Variants in PRKCE observed in about 807,000 individuals in gnomAD.
PRKCE encodes protein kinase C epsilon type.
In PRKCE, 16 loss-of-function variants were observed where a neutral mutation model predicts 85.4. The ratio of observed to expected loss-of-function variants is 0.19; its 90% CI spans 0.13 to 0.28. The LOEUF is 0.28. PRKCE is among the 10% of genes least tolerant of loss of function. The probability of loss-of-function intolerance (pLI) is 1.00; values close to 1 mark genes in which losing one functional copy is unlikely to be tolerated. For synonymous variants in PRKCE, 388 were observed against 371.5 expected, an observed-to-expected ratio of 1.04 and a Z score of -0.51; for missense variants, 573 against 975.2, an observed-to-expected ratio of 0.59 and a Z score of 5.49.
At chr2:46,180,664 T>G (rs10185411) in intron 14 of PRKCE, among the ~76,000 whole-genome samples, 6,925 of 152,286 alleles carry the variant, frequency 0.045, 510 homozygotes, top group African/African-American at 0.16. Flanking sequence ...GAAGGCATGA[T>G]GGGAGCTATC....
chr2:45,924,061 C>A (rs901736579), intron 2 of PRKCE, among the ~76,000 whole-genome samples: 1 of 152,086 alleles, frequency 6.6e-6, no homozygotes, highest in African/African-American at 2.4e-5. Context: ...AAAGAGCACT[C>A]CCTCCACAGG....
At chr2:46,157,893 G>A (rs1219181528) in intron 13 of PRKCE, among the ~76,000 whole-genome samples, 4 of 152,248 alleles carry the variant, frequency 2.6e-5, no homozygotes, top group South Asian at 2.1e-4. Context: ...CTGTGTCTCC[G>A]AGGGCTACTG....
At chr2:45,798,953 G>A (rs1687645524) in intron 1 of PRKCE, among the ~76,000 whole-genome samples, 1 of 151,996 alleles carries the variant, frequency 6.6e-6, no homozygotes, top group Non-Finnish European at 1.5e-5. Context: ...AGATCACAAG[G>A]TCAGGAGATC....
At chr2:45,926,905 A>G (rs1365206889) in intron 2 of PRKCE, among the ~76,000 whole-genome samples, 1 of 151,654 alleles carries the variant, frequency 6.6e-6, no homozygotes. Flanking sequence ...GTGTATATGA[A>G]CATGTGTGAG....
intron 2 of PRKCE, among the ~76,000 whole-genome samples, chr2:45,890,563 A>C (rs541822916): frequency 6.6e-6 from 1 of 152,060 alleles, no homozygotes; most frequent in East Asian, 1.9e-4. Context: ...TATTTTTAGT[A>C]GAGATGGGAT....
intron 10 of PRKCE, among the ~76,000 whole-genome samples, chr2:46,054,593 CAG>C (rs1356400604): frequency 1.3e-5 from 2 of 152,230 alleles, no homozygotes; most frequent in Non-Finnish European, 2.9e-5. Context: ...ACCATACACA[CAG>C]AATCTCAGGG....
At chr2:46,021,798 A>G (rs1191839459) in intron 10 of PRKCE, among the ~76,000 whole-genome samples, 6 of 151,910 alleles carry the variant, frequency 3.9e-5, no homozygotes, top group Admixed American at 2.0e-4. Context: ...CCTCTCCCCA[A>G]CGCCCGCCAT....
At chr2:45,800,546 G>A (rs1311362742) in intron 1 of PRKCE, among the ~76,000 whole-genome samples, 1 of 152,240 alleles carries the variant, frequency 6.6e-6, no homozygotes, top group Non-Finnish European at 1.5e-5. Context: ...CTAGACTGGG[G>A]TTTGAGGGCA....
intron 1 of PRKCE, among the ~76,000 whole-genome samples, chr2:45,760,816 C>T (rs1399979004): frequency 6.6e-6 from 1 of 152,154 alleles, no homozygotes; most frequent in East Asian, 1.9e-4. Context: ...TATAATTACC[C>T]TGTCTGGGTA....
rs959320408 is a variant in PRKCE at position 46,155,628 on chromosome 2, C to A, written c.1921-3978C>A. 3.3e-5 allele frequency among the ~76,000 whole-genome samples: 5 copies of A among 152,144 alleles called. No individual in the cohort carries two copies. The highest frequency in any genetic ancestry group is 2.6e-4 in the Admixed American group (4 of 15,284). Reference sequence around the variant, plus strand: ...ATACTCCCAAACAGCTCTGGATGGTCCCCCTCAAATCTGCTCACTCTCAAA... The same window carrying A: ...ATACTCCCAAACAGCTCTGGATGGTACCCCTCAAATCTGCTCACTCTCAAA... On this transcript the variant is annotated intron_variant, in intron 13 of 14. Transcript: ENST00000306156. This position sits in a 1 kb window ranked among gnomAD's most constrained non-coding sequence, Gnocchi z 4.7.
chr2:45,674,570 C>G (rs1191027543), intron 1 of PRKCE: 1 of 152,204 alleles, frequency 6.6e-6, no homozygotes, highest in Non-Finnish European at 1.5e-5. Flanking sequence ...TAGATTACCT[C>G]ACTTTGGAAA....
rs933968183 is a variant in PRKCE, at chr2:45,774,106, A to G, written c.349-68894A>G. Among the ~76,000 whole-genome samples the G allele has an allele frequency of 6.6e-6, 1 of 151,622 alleles. No homozygotes were observed. The highest frequency in any genetic ancestry group is 1.5e-5 in the Non-Finnish European group (1 of 67,888). ...GGGGGACCCACCCTTTGTTGGTAGG[A>G]CCTCCCTTGGAGAGATGGGGGCTGG... On this transcript the variant is annotated intron_variant, in intron 1 of 14. Coordinates refer to ENST00000306156, the MANE Select transcript of PRKCE (RefSeq NM_005400.3). The surrounding 1 kb of genome is among the most constrained non-coding windows in gnomAD (Gnocchi z 4.3).
At chr2:45,720,259 A>G (rs1573058083) in intron 1 of PRKCE, among the ~76,000 whole-genome samples, 1 of 152,218 alleles carries the variant, frequency 6.6e-6, no homozygotes, top group East Asian at 1.9e-4. Context: ...CATAAAGTGG[A>G]GGAGTTGAGA....
rs117632787 is a variant in PRKCE at position 46,059,726 on chromosome 2, C to A, written c.1438-26482C>A. On this transcript the variant is annotated intron_variant, in intron 10 of 14. Transcript: ENST00000306156. Reference sequence around the variant, plus strand: ...GCAGGCTGAGGGGGATCACCTGAGCCCAGGAGCTCAAGGCTGTAATGAGCT... The same window carrying A: ...GCAGGCTGAGGGGGATCACCTGAGCACAGGAGCTCAAGGCTGTAATGAGCT... Among the ~76,000 whole-genome samples, 5 of 152,194 alleles carry A rather than the reference C, an allele frequency of 3.3e-5. No homozygotes were observed. The East Asian group carries it at 7.7e-4, about 23-fold the overall frequency.
chr2:45,726,359 A>G lies in PRKCE; in HGVS notation c.348+73911A>G, dbSNP rs950164638. On this transcript the variant is annotated intron_variant, in intron 1 of 14. Coordinates refer to ENST00000306156, the MANE Select transcript of PRKCE (RefSeq NM_005400.3). ...CTTATTTTAAGAAATTGGCATAGCA[A>G]TTTCTTGCTGTGGGGTTGCCACAGC... 2.6e-5 allele frequency among the ~76,000 whole-genome samples: 4 copies of G among 152,284 alleles called. No individual in the cohort carries two copies. In the East Asian group the frequency reaches 7.7e-4, roughly 29 times the overall value.
intron 14 of PRKCE, among the ~76,000 whole-genome samples, chr2:46,168,773 A>G (rs1369101595): frequency 6.6e-6 from 1 of 152,198 alleles, no homozygotes; most frequent in Non-Finnish European, 1.5e-5. Context: ...TTGAGGACAG[A>G]GAGAAGAGGG....
chr2:45,939,567 T>G (rs934854045), intron 2 of PRKCE, among the ~76,000 whole-genome samples: 1 of 152,036 alleles, frequency 6.6e-6, no homozygotes, highest in African/African-American at 2.4e-5. Flanking sequence ...TGCACTTTTT[T>G]TTTTTTGAGA....
intron 2 of PRKCE, among the ~76,000 whole-genome samples, chr2:45,934,353 A>T (rs577096657): frequency 2.0e-5 from 3 of 152,354 alleles, no homozygotes; most frequent in Admixed American, 2.0e-4. Context: ...TAAATTTCCT[A>T]TAAAATTACT....
At chr2:45,983,225 T>C (rs562316304) in intron 5 of PRKCE, among the ~76,000 whole-genome samples, 1 of 152,310 alleles carries the variant, frequency 6.6e-6, no homozygotes, top group East Asian at 1.9e-4. Flanking sequence ...AGGGAACTTG[T>C]CTTCATGCTT....
Sources: allele counts gnomAD v4.1 joint callset (sites outside exome capture counted in the v4.1 genomes callset), GRCh38; gene constraint gnomAD v4.1.1; non-coding constraint Gnocchi (gnomAD v3.1); transcripts MANE v1.5; gene names NCBI Gene and HGNC (gene_info 2026-07-23, HGNC 2026-07-21).